The following THEMIS variants were observed in gnomAD, a reference collection of about 807,000 sequenced individuals.
THEMIS encodes protein THEMIS.
Under a neutral mutation model 52.6 loss-of-function variants are expected in THEMIS, and 37 were observed. The observed-to-expected ratio is 0.70, with a 90% confidence interval of 0.54 to 0.93. The LOEUF is 0.93. Ranked by LOEUF, THEMIS falls within the 40% of genes least tolerant of loss-of-function variation. The pLI, the probability that THEMIS is intolerant of heterozygous loss-of-function variation, is 0.00. For missense variants in THEMIS, 808 were observed against 763.1 expected (o/e 1.06, Z -0.69); for synonymous variants, 292 against 272.7 (o/e 1.07, Z -0.70).
chr6:127,892,926 G>A lies in THEMIS; in HGVS notation c.91+7916C>T, dbSNP rs17055105. Among the ~76,000 whole-genome samples the A allele has an allele frequency of 0.034, 5,156 of 152,148 alleles. 655 individuals are homozygous for A. The East Asian group carries it at 0.37, about 11-fold the overall frequency. On this transcript the variant is annotated intron_variant, in intron 1 of 5. Coordinates refer to ENST00000368248, the MANE Select transcript of THEMIS (RefSeq NM_001010923.3). ...GAATTTTTTAATATTAGTATGGTAT[G>A]TGAACTGCCTTTTACATCTTTATAT...
intron 4 of THEMIS, among the ~76,000 whole-genome samples, chr6:127,723,511 T>G (rs371113027): frequency 2.6e-5 from 4 of 152,002 alleles, no homozygotes; most frequent in African/African-American, 9.7e-5. Context: ...TGTAGCTTGA[T>G]CTACCACCTG....
At chr6:127,835,943 T>C (rs187998351) in intron 2 of THEMIS, among the ~76,000 whole-genome samples, 2 of 152,288 alleles carry the variant, frequency 1.3e-5, no homozygotes. Context: ...ATGAGCAGAT[T>C]AGAGGGAGAA....
intron 4 of THEMIS, among the ~76,000 whole-genome samples, chr6:127,810,085 T>C (rs763002869): frequency 6.6e-6 from 1 of 152,048 alleles, no homozygotes; most frequent in Non-Finnish European, 1.5e-5. Context: ...AAGATTTCAT[T>C]CACTTCAGTT....
intron 4 of THEMIS, among the ~76,000 whole-genome samples, chr6:127,786,791 G>T (rs1776964022): frequency 6.6e-6 from 1 of 152,146 alleles, no homozygotes; most frequent in Non-Finnish European, 1.5e-5. Flanking sequence ...TAACGAAAAA[G>T]AAATCTTTTT....
Position 127,896,125 on chromosome 6 carries a change from T to G in THEMIS, c.91+4717A>C, listed in dbSNP as rs75402872. ...AATGTCAAATATATATTCAAGTTTT[T>G]AAAACCTGTTAGAAAACTAGAACTA... On this transcript the variant is annotated intron_variant, in intron 1 of 5. Coordinates refer to ENST00000368248, the MANE Select transcript of THEMIS (RefSeq NM_001010923.3). 0.011 allele frequency among the ~76,000 whole-genome samples: 1,595 copies of G among 151,504 alleles called. 48 individuals are homozygous for G. In the East Asian group the frequency reaches 0.12, roughly 11 times the overall value.
chr6:127,710,905 GC>G (rs1773953462), intron 5 of THEMIS, among the ~76,000 whole-genome samples: 1 of 151,684 alleles, frequency 6.6e-6, no homozygotes. Context: ...TTCCTTCTGA[GC>G]ACTCAATAGC....
At chr6:127,754,490 C>T (rs1273709259) in intron 4 of THEMIS, among the ~76,000 whole-genome samples, 57 of 152,180 alleles carry the variant, frequency 3.7e-4, no homozygotes, top group Admixed American at 3.7e-3. Context: ...GTCAATTCCT[C>T]TCATAGTCAC....
intron 4 of THEMIS, among the ~76,000 whole-genome samples, chr6:127,735,102 G>A (rs1774956890): frequency 1.3e-5 from 2 of 151,336 alleles, no homozygotes; most frequent in Non-Finnish European, 2.9e-5. Flanking sequence ...TATAGTCTCA[G>A]CAGACGAAAA....
At chr6:127,782,359 T>C (rs1328997407) in intron 4 of THEMIS, among the ~76,000 whole-genome samples, 1 of 152,184 alleles carries the variant, frequency 6.6e-6, no homozygotes, top group African/African-American at 2.4e-5. Context: ...AAAAAACTCC[T>C]GCAGCTAGCT....
In THEMIS at chr6:127,829,732, G is replaced by T; in HGVS notation, c.453C>A (p.Ser151Arg). 1 of 1,614,102 alleles carries T rather than the reference G, an allele frequency of 6.2e-7. No homozygotes were observed. Among genetic ancestry groups the T allele is most frequent in the Non-Finnish European group, 8.5e-7 (1 of 1,180,004 alleles). ...TTTGATGATTCCTTGCTACTGCACA[G>T]CTCACCATTATTTCTCCATCAATCT... is the stretch of plus-strand genomic sequence containing the variant. Reference protein sequence around the residue: ...VEEIDGEIMVSCAVARNHQTH... With the variant: ...VEEIDGEIMVRCAVARNHQTH... The change falls in exon 3 of 6, where the codon AGC (serine) becomes AGA (arginine). Residue 151 changes from serine (S) to arginine (R), a missense_variant. Coordinates refer to ENST00000368248, the MANE Select transcript of THEMIS (RefSeq NM_001010923.3).
At chr6:127,907,369 A>G (rs1250007729) in intron 1 of THEMIS, among the ~76,000 whole-genome samples, 1 of 21,320 alleles carries the variant, frequency 4.7e-5, no homozygotes, top group Non-Finnish European at 1.1e-4. Flanking sequence ...TTTTTTTTGC[A>G]TGAGCGACAT....
At chr6:127,713,812 G>A (rs1774065249) in intron 5 of THEMIS, among the ~76,000 whole-genome samples, 1 of 151,822 alleles carries the variant, frequency 6.6e-6, no homozygotes. Flanking sequence ...GAAAGGAGAA[G>A]TAGAGAGGCC....
At position 127,795,591 on chromosome 6, in the gene THEMIS, G is replaced by A. The variant is rs542673054; in HGVS notation, c.1758+17292C>T. Among the ~76,000 whole-genome samples, 16 of 152,296 alleles carry A rather than the reference G, an allele frequency of 1.1e-4. No individual in the cohort carries two copies. In the East Asian group the frequency reaches 1.9e-3, roughly 18 times the overall value. On this transcript the variant is annotated intron_variant, in intron 4 of 5. Coordinates refer to ENST00000368248, the MANE Select transcript of THEMIS (RefSeq NM_001010923.3). The stretch of plus-strand genomic sequence containing the variant: ...GATCTGCCCGCCTCGGCCTCCCAAA[G>A]TGCTGGGATTACAGGCGTGAGCCAC...
At chr6:127,794,619 A>C (rs2114535386) in intron 4 of THEMIS, among the ~76,000 whole-genome samples, 1 of 152,280 alleles carries the variant, frequency 6.6e-6, no homozygotes, top group East Asian at 1.9e-4. Context: ...CACATTAGAC[A>C]CAGTCCTGCC....
chr6:127,847,776 C>G (rs1453184490), intron 2 of THEMIS, among the ~76,000 whole-genome samples: 1 of 151,526 alleles, frequency 6.6e-6, no homozygotes, highest in South Asian at 2.1e-4. Context: ...TCATTCTTTA[C>G]AGAATTAGAA....
chr6:127,819,587 G>A (rs1209814260), intron 3 of THEMIS, among the ~76,000 whole-genome samples: 3 of 152,108 alleles, frequency 2.0e-5, no homozygotes, highest in Admixed American at 2.0e-4. Flanking sequence ...CATTTACAGT[G>A]GACTTTTCTT....
chr6:127,754,968 A>G (rs1341108743), intron 4 of THEMIS, among the ~76,000 whole-genome samples: 1 of 151,768 alleles, frequency 6.6e-6, no homozygotes. Flanking sequence ...GAACTTTCCC[A>G]AGAAATCAGA....
chr6:127,902,543 C>T (rs1297833378), upstream of THEMIS, among the ~76,000 whole-genome samples: 1 of 151,998 alleles, frequency 6.6e-6, no homozygotes, highest in African/African-American at 2.4e-5. Flanking sequence ...ATAAAAACTG[C>T]CTAGTTTTGA....
chr6:127,746,883 T>G (rs1775428507), intron 4 of THEMIS, among the ~76,000 whole-genome samples: 3 of 65,394 alleles, frequency 4.6e-5, no homozygotes, highest in Non-Finnish European at 7.5e-5. Flanking sequence ...TATATATAAT[T>G]ATATATTATT....
Sources: allele counts gnomAD v4.1 joint callset (sites outside exome capture counted in the v4.1 genomes callset), GRCh38; gene constraint gnomAD v4.1.1; transcripts MANE v1.5; gene names NCBI Gene and HGNC (gene_info 2026-07-23, HGNC 2026-07-21).